The following STAB2 variants were observed in gnomAD, a reference collection of about 807,000 sequenced individuals.
STAB2 encodes the protein stabilin 2.
In STAB2, 288 loss-of-function variants were observed where a neutral mutation model predicts 338.1. The observed-to-expected ratio is 0.85, with a 90% CI of 0.77 to 0.94. STAB2 has a LOEUF of 0.94. STAB2 is among the 40% of genes least tolerant of loss of function. STAB2 has a pLI of 0.00. For synonymous variants in STAB2, 1,202 were observed against 1,193.3 expected (o/e 1.01, Z -0.15); for missense variants, 3,141 against 3,210.1 (o/e 0.98, Z 0.52).
chr12:103,713,796 G>A (rs538082972), intron 42 of STAB2, 28 bp downstream of exon 42: 36 of 1,612,260 alleles, frequency 2.2e-5, no homozygotes, highest in South Asian at 1.6e-4. Flanking sequence ...TTCCATCGGC[G>A]AAATGGTATA....
intron 60 of STAB2, 48 bp from the exon 61 acceptor site, chr12:103,753,172 G>A: frequency 6.2e-7 from 1 of 1,605,948 alleles, no homozygotes; most frequent in South Asian, 1.1e-5. Context: ...TGGAAACACT[G>A]CCAACCTGGT....
intron 9 of STAB2, among the ~76,000 whole-genome samples, chr12:103,646,696 C>T (rs1249473498): frequency 6.6e-6 from 1 of 152,140 alleles, no homozygotes; most frequent in Non-Finnish European, 1.5e-5. Flanking sequence ...CTAGAAGGTT[C>T]CTAGAATTAA....
intron 36 of STAB2, among the ~76,000 whole-genome samples, chr12:103,705,417 AG>A (rs1021054557): frequency 6.6e-6 from 1 of 152,230 alleles, no homozygotes; most frequent in African/African-American, 2.4e-5. Flanking sequence ...ACTACTTTAA[AG>A]TATAATTATT....
In STAB2 at chr12:103,613,850, AG is replaced by A. The variant is rs560937167; in HGVS notation, c.332-6617del. On this transcript the variant is annotated intron_variant, in intron 3 of 68. Transcript: ENST00000388887. The stretch of plus-strand genomic sequence containing the variant: ...GAACCCTCTCCTCTTCATTTTGTAT[AG>A]TTAATACTGCTTGTCTTTAAGTTCA... Among the ~76,000 whole-genome samples the A allele has an allele frequency of 9.2e-5, 14 of 152,258 alleles. No individual in the cohort carries two copies. In the East Asian group the frequency reaches 2.7e-3, roughly 29 times the overall value.
At position 103,750,596 on chromosome 12, in the gene STAB2, G is replaced by A; in HGVS notation, c.6456G>A (p.Glu2152=). ...KMTGPGKHKC[E]CKSHYVGDGL... The stretch of plus-strand genomic sequence containing the variant: ...CTCCACAGGGCAAGCACAAGTGTGA[G>A]TGTAAAAGTCACTATGTCGGAGATG... Residue 2152 remains glutamate, a synonymous_variant, in exon 60 of 69, where the codon GAG becomes GAA. Transcript: ENST00000388887. The A allele has an allele frequency of 6.2e-7, 1 of 1,614,212 alleles. No homozygotes were observed. The highest frequency in any genetic ancestry group is 8.5e-7 in the Non-Finnish European group (1 of 1,180,032).
At chr12:103,603,365 G>A (rs11111671) in intron 3 of STAB2, among the ~76,000 whole-genome samples, 8,505 of 152,180 alleles carry the variant, frequency 0.056, 280 homozygotes, top group Non-Finnish European at 0.081. Context: ...CCACCGCACC[G>A]GCCTATTCCA....
intron 15 of STAB2, chr12:103,657,903 G>A (rs1343551172): frequency 1.3e-5 from 2 of 152,136 alleles, no homozygotes; most frequent in African/African-American, 4.8e-5. Flanking sequence ...CCAATGAAAT[G>A]GAAAATAAAC....
At chr12:103,655,611 C>T (rs532341052) in intron 15 of STAB2, 30 bp downstream of exon 15, 4 of 1,611,690 alleles carry the variant, frequency 2.5e-6, no homozygotes, top group Admixed American at 1.7e-5. Flanking sequence ...CTGATGGCAT[C>T]GTGTCAGCAG....
At chr12:103,662,619 A>G (rs918699605) in intron 17 of STAB2, among the ~76,000 whole-genome samples, 1 of 152,246 alleles carries the variant, frequency 6.6e-6, no homozygotes, top group African/African-American at 2.4e-5. Flanking sequence ...TGCAAGAACC[A>G]TTTCTACAAG....
At position 103,675,942 on chromosome 12, in the gene STAB2, C is replaced by T; in HGVS notation, c.2567C>T (p.Ala856Val). 1 of 1,612,880 alleles carries T rather than the reference C, an allele frequency of 6.2e-7. No individual in the cohort carries two copies. The highest frequency in any genetic ancestry group is 8.5e-7 in the Non-Finnish European group (1 of 1,179,516). ...CTCCTTTGCAGTTGTATTTGCAAAG[C>T]AGGATATGAAGGAGATGGAACTCTG... ...SNGTASCICK[A>V]GYEGDGTLCS... The change falls in exon 24 of 69, where the codon GCA (alanine) becomes GTA (valine). Residue 856 changes from alanine to valine, a missense_variant. Transcript: ENST00000388887.
At chr12:103,729,534 G>A (rs957191901) in intron 48 of STAB2, among the ~76,000 whole-genome samples, 6 of 152,172 alleles carry the variant, frequency 3.9e-5, no homozygotes, top group Non-Finnish European at 8.8e-5. Flanking sequence ...TATAGACAGT[G>A]TTAATCCTTA....
chr12:103,673,817 A>G, intron 22 of STAB2, 90 bp from the exon 23 acceptor site: 1 of 1,371,402 alleles, frequency 7.3e-7, no homozygotes, highest in South Asian at 1.4e-5. Context: ...GGGGGTGAGA[A>G]GAGGTGGTCC....
intron 6 of STAB2, among the ~76,000 whole-genome samples, chr12:103,631,993 G>A (rs990426932): frequency 7.2e-5 from 11 of 152,238 alleles, no homozygotes; most frequent in Non-Finnish European, 1.0e-4. Context: ...CCGGGACTGG[G>A]AAGCCAACAC....
Position 103,621,927 on chromosome 12 carries a change from T to C in STAB2, c.418-115T>C. The C allele has an allele frequency of 7.9e-6, 7 of 883,040 alleles. No individual in the cohort carries two copies. In the South Asian group the frequency reaches 1.1e-4, roughly 14 times the overall value. 54.7% of individuals were successfully genotyped at this position (883,040 alleles called of 1,614,324 possible). A position where few individuals can be genotyped will look rare whatever the true frequency, so the allele number is the denominator to read the frequency against. On this transcript the variant is annotated intron_variant, in intron 4 of 68. Coordinates refer to ENST00000388887, the MANE Select transcript of STAB2 (RefSeq NM_017564.10). The stretch of plus-strand genomic sequence containing the variant: ...TAAACAGAAAGAAGAAGCTCCAGGA[T>C]AGGCACAGAGGGAAAATATATTTGA...
chr12:103,719,395 A>G (rs1388877151), intron 44 of STAB2, among the ~76,000 whole-genome samples: 1 of 152,240 alleles, frequency 6.6e-6, no homozygotes, highest in Non-Finnish European at 1.5e-5. Context: ...GACTGCTATA[A>G]CAAACTGCCA....
intron 68 of STAB2, among the ~76,000 whole-genome samples, chr12:103,765,086 CAAAAAAAAAA>C (rs56002429): frequency 1.1e-4 from 7 of 66,548 alleles, no homozygotes; most frequent in African/African-American, 2.7e-4. Context: ...GACTCTGTCT[CAAAAAAAAAA>C]AAAAAAAAAA....
intron 44 of STAB2, among the ~76,000 whole-genome samples, chr12:103,721,283 G>C (rs971117886): frequency 3.9e-5 from 6 of 152,288 alleles, no homozygotes; most frequent in Admixed American, 1.3e-4. Context: ...GTTAAGAAGC[G>C]GGCAGCCACA....
chr12:103,657,010 G>T (rs190595897), intron 15 of STAB2, among the ~76,000 whole-genome samples: 1 of 152,212 alleles, frequency 6.6e-6, no homozygotes, highest in Admixed American at 6.5e-5. Context: ...ACTTAACAAG[G>T]AGATAAATCA....
At chr12:103,700,359 A>G (rs1384023087) in intron 34 of STAB2, among the ~76,000 whole-genome samples, 2 of 152,250 alleles carry the variant, frequency 1.3e-5, no homozygotes, top group Admixed American at 6.5e-5. Context: ...AAGCGACAAT[A>G]TTTGAACCTT....
Sources: gnomAD v4.1 joint callset for allele counts (sites outside exome capture counted in the v4.1 genomes callset) on GRCh38, gnomAD v4.1.1 for gene constraint, MANE v1.5 for transcripts, NCBI Gene and HGNC (gene_info 2026-07-23, HGNC 2026-07-21) for gene names.